Variants in MARCHF1 observed in about 807,000 individuals in gnomAD.
MARCHF1 encodes the protein E3 ubiquitin-protein ligase MARCHF1.
Under a neutral mutation model 54.2 loss-of-function variants are expected in MARCHF1, and 40 were observed. That is an observed-to-expected ratio of 0.74 (90% CI 0.57 to 0.96). The LOEUF is 0.96. MARCHF1 is among the 40% of genes least tolerant of loss of function. The pLI is 0.00. For synonymous variants in MARCHF1, 236 were observed against 236.3 expected (o/e 1.00, Z 0.01); for missense variants, 586 against 656.5 (o/e 0.89, Z 1.17).
At chr4:164,374,241 C>A (rs934925303) in intron 1 of MARCHF1, among the ~76,000 whole-genome samples, 5 of 149,428 alleles carry the variant, frequency 3.3e-5, no homozygotes, top group African/African-American at 7.3e-5. Context: ...ATTTAACAGA[C>A]GTCAACATTT....
rs1430263917 is a variant in MARCHF1, at chr4:164,346,711, A to T, written c.-323+37159T>A. 1.4e-5 allele frequency among the ~76,000 whole-genome samples: 2 copies of T among 138,670 alleles called. 1 individual carries two copies. Among genetic ancestry groups the T allele is most frequent in the Admixed American group, 1.6e-4 (2 of 12,764 alleles). 91.0% of individuals were successfully genotyped at this position (138,670 alleles called of 152,430 possible). A position where few individuals can be genotyped will look rare whatever the true frequency, so the allele number is the denominator to read the frequency against. On this transcript the variant is annotated intron_variant, in intron 1 of 9. Coordinates refer to ENST00000514618, the MANE Select transcript of MARCHF1 (RefSeq NM_001394959.1). Reference sequence around the variant, plus strand: ...AAGCACTAAAGCATGAAAAATGCTTATTCTTTTCATTTCAGAGATGGTATG... The same window carrying T: ...AAGCACTAAAGCATGAAAAATGCTTTTTCTTTTCATTTCAGAGATGGTATG...
chr4:163,653,951 A>G (rs1307187967), intron 5 of MARCHF1, among the ~76,000 whole-genome samples: 1 of 151,804 alleles, frequency 6.6e-6, no homozygotes, highest in Non-Finnish European at 1.5e-5. Flanking sequence ...TTGAGTATAG[A>G]TAGGAAAGAG....
intron 3 of MARCHF1, among the ~76,000 whole-genome samples, chr4:163,979,261 A>C (rs1752712263): frequency 2.5e-5 from 3 of 121,820 alleles, no homozygotes; most frequent in African/African-American, 9.6e-5. Flanking sequence ...ATGAGTGAGA[A>C]TATGCGGTGT....
At chr4:163,787,543 G>A (rs953732827) in intron 4 of MARCHF1, among the ~76,000 whole-genome samples, 5 of 151,490 alleles carry the variant, frequency 3.3e-5, no homozygotes, top group African/African-American at 9.7e-5. Context: ...ATACCCATTA[G>A]GATGGCTACT....
At chr4:163,640,950 TAAAG>T (rs1742531002) in intron 5 of MARCHF1, among the ~76,000 whole-genome samples, 1 of 151,978 alleles carries the variant, frequency 6.6e-6, no homozygotes, top group Non-Finnish European at 1.5e-5. Context: ...GGCAATAAGA[TAAAG>T]AATTAAAAAA....
chr4:163,633,887 C>T (rs534810522), intron 5 of MARCHF1, among the ~76,000 whole-genome samples: 31 of 152,288 alleles, frequency 2.0e-4, no homozygotes, highest in Non-Finnish European at 2.8e-4. Context: ...ATCAGACTAA[C>T]GGCGGATCTC....
intron 3 of MARCHF1, among the ~76,000 whole-genome samples, chr4:163,924,191 G>A (rs752827554): frequency 6.6e-6 from 1 of 151,970 alleles, no homozygotes; most frequent in Non-Finnish European, 1.5e-5. Context: ...ACTTAATGCT[G>A]CAAAAGCACA....
At chr4:164,119,487 G>A (rs757179397) in intron 1 of MARCHF1, among the ~76,000 whole-genome samples, 4 of 105,592 alleles carry the variant, frequency 3.8e-5, no homozygotes, top group Non-Finnish European at 7.4e-5. Context: ...AGGAGATAAA[G>A]TAAACCAAAA....
chr4:164,370,837 G>T (rs1201652125), intron 1 of MARCHF1, among the ~76,000 whole-genome samples: 1 of 152,084 alleles, frequency 6.6e-6, no homozygotes, highest in African/African-American at 2.4e-5. Context: ...GAGCCCGGGA[G>T]GCGGAGGTTG....
rs1174674787 is a variant in MARCHF1, at chr4:163,613,023, A to G, written c.258T>C (p.His86=). 6.6e-7 allele frequency: 1 copy of G among 1,505,826 alleles called. No individual in the cohort carries two copies. The highest frequency in any genetic ancestry group is 8.8e-7 in the Non-Finnish European group (1 of 1,136,162). The allele number at this position is 1,505,826 out of a possible 1,614,324, so 93.3% of individuals were successfully genotyped here. A position where few individuals can be genotyped will look rare whatever the true frequency, so the allele number is the denominator to read the frequency against. Residue 86 remains histidine, a synonymous_variant, in exon 7 of 10, where the codon CAT becomes CAC. Coordinates refer to ENST00000514618, the MANE Select transcript of MARCHF1 (RefSeq NM_001394959.1). ...ACTCAAATGACTCTTCTGACATGTC[A>G]TGCAAGATGGCAGATCTAGACAGAG... is the stretch of plus-strand genomic sequence containing the variant. The part of the protein sequence containing the change: ...TQDICRSAIL[H]DMSEESFEYC...
chr4:164,037,501 C>T (rs1054341594), intron 2 of MARCHF1, among the ~76,000 whole-genome samples: 1 of 152,066 alleles, frequency 6.6e-6, no homozygotes, highest in African/African-American at 2.4e-5. Flanking sequence ...AATAAATTTC[C>T]ATAAATTCAC....
intron 1 of MARCHF1, among the ~76,000 whole-genome samples, chr4:164,337,371 T>C (rs968565519): frequency 1.3e-5 from 2 of 152,216 alleles, no homozygotes; most frequent in African/African-American, 4.8e-5. Flanking sequence ...CAAGGCAGCA[T>C]GGCTCAATGC....
At chr4:164,186,312 A>G (rs1481034607) in intron 1 of MARCHF1, among the ~76,000 whole-genome samples, 2 of 152,196 alleles carry the variant, frequency 1.3e-5, no homozygotes, top group East Asian at 3.8e-4. Flanking sequence ...TCAACTAATC[A>G]TTACTTTGGT....
chr4:163,820,676 A>G (rs1748668363), intron 4 of MARCHF1, among the ~76,000 whole-genome samples: 1 of 152,058 alleles, frequency 6.6e-6, no homozygotes, highest in South Asian at 2.1e-4. Flanking sequence ...ATCAAAGTCT[A>G]CTAGTTGGAA....
chr4:163,543,801 G>A (rs551026299), intron 9 of MARCHF1, among the ~76,000 whole-genome samples: 5 of 152,300 alleles, frequency 3.3e-5, no homozygotes, highest in South Asian at 2.1e-4. Context: ...TATACATGAC[G>A]TGAGATTGCT....
At chr4:163,627,660 T>C (rs1309212941) in intron 5 of MARCHF1, among the ~76,000 whole-genome samples, 2 of 150,240 alleles carry the variant, frequency 1.3e-5, no homozygotes, top group Non-Finnish European at 3.0e-5. Context: ...CAAATGTTCT[T>C]TAAAAAGAGT....
rs1035871801 is a variant in MARCHF1, at chr4:163,952,223, T to C, written c.-39+36278A>G. 1.1e-4 allele frequency among the ~76,000 whole-genome samples: 16 copies of C among 152,336 alleles called. 1 individual carries two copies. The highest frequency in any genetic ancestry group is 2.9e-4 in the African/African-American group (12 of 41,586). On this transcript the variant is annotated intron_variant, in intron 3 of 9. Coordinates refer to ENST00000514618, the MANE Select transcript of MARCHF1 (RefSeq NM_001394959.1). ...TGTTGAGTATAGTAGATGTCATCTA[T>C]GAGAGATTATTTCACACATTCTTTT...
chr4:164,096,297 A>G (rs1331769297), intron 2 of MARCHF1, among the ~76,000 whole-genome samples: 1 of 152,104 alleles, frequency 6.6e-6, no homozygotes, highest in Non-Finnish European at 1.5e-5. Flanking sequence ...TCATTATCCT[A>G]AGCAAACTAA....
intron 1 of MARCHF1, among the ~76,000 whole-genome samples, chr4:164,196,354 TTAAAA>T (rs551028167): frequency 4.3e-4 from 66 of 152,298 alleles, no homozygotes; most frequent in African/African-American, 1.5e-3. Context: ...CAACATGCTA[TTAAAA>T]TAAAATTCTG....
Sources: allele counts gnomAD v4.1 joint callset (sites outside exome capture counted in the v4.1 genomes callset), GRCh38; gene constraint gnomAD v4.1.1; transcripts MANE v1.5; gene names NCBI Gene and HGNC (gene_info 2026-07-23, HGNC 2026-07-21).